The following DENND1B variants were observed in gnomAD, a reference collection of about 807,000 sequenced individuals.
The protein encoded by DENND1B is DENN domain-containing protein 1B.
In DENND1B, 59 loss-of-function variants were observed where a neutral mutation model predicts 90.1. The ratio of observed to expected loss-of-function variants is 0.65; its 90% CI spans 0.53 to 0.81. The LOEUF (loss-of-function observed/expected upper bound fraction) is 0.81. Ranked by LOEUF, DENND1B falls within the 40% of genes least tolerant of loss-of-function variation. DENND1B has a pLI of 0.00. For synonymous variants in DENND1B, 337 were observed against 324.6 expected (o/e 1.04, Z -0.41); for missense variants, 862 against 912.6 (o/e 0.94, Z 0.71).
rs535926164 is a variant in DENND1B at position 197,611,838 on chromosome 1, C to G, written c.819+93G>C. On this transcript the variant is annotated intron_variant, in intron 12 of 22. Coordinates refer to ENST00000620048, the MANE Select transcript of DENND1B (RefSeq NM_001195215.2). ...AATATGAAACTAGTCACTTCTTTGT[C>G]CTATACCACTGATATTTCTTCAAAA... The G allele has an allele frequency of 2.8e-6, 3 of 1,075,252 alleles. No individual in the cohort carries two copies. In the East Asian group the frequency reaches 7.6e-5, roughly 27 times the overall value. The allele number at this position is 1,075,252 out of a possible 1,614,324, so 66.6% of individuals were successfully genotyped here. A position where few individuals can be genotyped will look rare whatever the true frequency, so the allele number is the denominator to read the frequency against.
intron 2 of DENND1B, among the ~76,000 whole-genome samples, chr1:197,744,666 T>C (rs35781299): frequency 0.015 from 2,312 of 152,306 alleles, 69 homozygotes; most frequent in African/African-American, 0.052. Context: ...AATTGATAAA[T>C]GAGCACTGGC....
At position 197,583,180 on chromosome 1, in the gene DENND1B, G is replaced by A. The variant is rs188265506; in HGVS notation, c.1121C>T (p.Thr374Ile). 1.3e-4 allele frequency: 203 copies of A among 1,613,868 alleles called. No individual in the cohort carries two copies. The highest frequency in any genetic ancestry group is 1.6e-4 in the Non-Finnish European group (194 of 1,179,808). ...CTTAAAAAGCTGGAGGTTAATGGCA[G>A]TTTCCAGGAACTGTTTCATCACGCT... ...RSSVMKQFLE[T>I]AINLQLFKQF... is the part of the protein sequence containing the mutation. Residue 374 changes from threonine (T) to isoleucine (I), a missense_variant, in exon 15 of 23, where the codon ACT (threonine) becomes ATT (isoleucine). Thr to Ile is a moderately conservative substitution (Grantham distance 89). Coordinates refer to ENST00000620048, the MANE Select transcript of DENND1B (RefSeq NM_001195215.2).
chr1:197,751,065 G>A (rs560867237), intron 2 of DENND1B, among the ~76,000 whole-genome samples: 20 of 152,178 alleles, frequency 1.3e-4, no homozygotes, highest in Admixed American at 9.1e-4. Flanking sequence ...TAAAAGGTTC[G>A]AAAAGCACTA....
intron 15 of DENND1B, among the ~76,000 whole-genome samples, chr1:197,559,468 C>T (rs1390552024): frequency 6.6e-6 from 1 of 151,820 alleles, no homozygotes; most frequent in Non-Finnish European, 1.5e-5. Context: ...ATCTACACAC[C>T]CAAATTCCTT....
At chr1:197,699,791 C>T (rs1208182826) in intron 3 of DENND1B, among the ~76,000 whole-genome samples, 2 of 151,908 alleles carry the variant, frequency 1.3e-5, no homozygotes, top group Non-Finnish European at 2.9e-5. Flanking sequence ...ATATAAACAC[C>T]TCTATGCAAA....
In DENND1B at chr1:197,509,784, T is replaced by C. The variant is rs568312240; in HGVS notation, c.*676A>G. 5.9e-5 allele frequency: 9 copies of C among 152,322 alleles called. No homozygotes were observed. Among genetic ancestry groups the C allele is most frequent in the African/African-American group, 2.2e-4 (9 of 41,504 alleles). 9.4% of individuals were successfully genotyped at this position (152,322 alleles called of 1,614,324 possible). On this transcript the variant is annotated 3_prime_UTR_variant, in exon 23 of 23. Transcript: ENST00000620048. ...CTTCACATTGTAATTCAGCACTTCC[T>C]ATATTTCACTGAATGAAAGGTAAGT...
intron 16 of DENND1B, among the ~76,000 whole-genome samples, chr1:197,550,611 A>G (rs1671150106): frequency 6.6e-6 from 1 of 151,556 alleles, no homozygotes; most frequent in African/African-American, 2.4e-5. Context: ...GAATTGAACA[A>G]TGAGAACACA....
intron 15 of DENND1B, among the ~76,000 whole-genome samples, chr1:197,582,047 C>A (rs981209042): frequency 6.6e-6 from 1 of 152,008 alleles, no homozygotes; most frequent in Admixed American, 6.6e-5. Flanking sequence ...CAAAAGCAGC[C>A]CACTCTATTT....
chr1:197,518,647 C>T (rs1205313469), intron 20 of DENND1B, among the ~76,000 whole-genome samples: 1 of 151,832 alleles, frequency 6.6e-6, no homozygotes, highest in African/African-American at 2.4e-5. Flanking sequence ...TGAAAATTTA[C>T]ATAAGTAAGG....
chr1:197,583,086 G>C lies in DENND1B; in HGVS notation c.1149+66C>G, dbSNP rs2125773842. 2.1e-6 allele frequency: 3 copies of C among 1,406,136 alleles called. No homozygotes were observed. In the South Asian group the frequency reaches 3.5e-5, roughly 16 times the overall value. The allele number at this position is 1,406,136 out of a possible 1,614,324, so 87.1% of individuals were successfully genotyped here. ...CTCAGGGTTTGTACATAGTTTTATA[G>C]TAATACAAATGTGTAAAACTGACAA... On this transcript the variant is annotated intron_variant, in intron 15 of 22. Coordinates refer to ENST00000620048, the MANE Select transcript of DENND1B (RefSeq NM_001195215.2).
In DENND1B at chr1:197,658,286, A is replaced by G. The variant is rs1308272660; in HGVS notation, c.366+14T>C. On this transcript the variant is annotated intron_variant, in intron 6 of 22. Coordinates refer to ENST00000620048, the MANE Select transcript of DENND1B (RefSeq NM_001195215.2). ...ATTTTACCACAATTTAAAAATGGGG[A>G]AAAAATAGCTTACCAGTTCCTTAGC... is the stretch of plus-strand genomic sequence containing the variant. 1 of 1,595,162 alleles carries G rather than the reference A, an allele frequency of 6.3e-7. No homozygotes were observed. Among genetic ancestry groups the G allele is most frequent in the East Asian group, 2.2e-5 (1 of 44,622 alleles).
chr1:197,674,270 T>G lies in DENND1B; in HGVS notation c.127-101A>C, dbSNP rs1655827399. ...CATTTTCTAGGAGAAAAAGATGCTT[T>G]CTTTGTCCTTAAGAAAAATAGCACA... On this transcript the variant is annotated intron_variant, in intron 3 of 22. Coordinates refer to ENST00000620048, the MANE Select transcript of DENND1B (RefSeq NM_001195215.2). 3.7e-6 allele frequency: 3 copies of G among 804,318 alleles called. No homozygotes were observed. The South Asian group carries it at 5.2e-5, about 14-fold the overall frequency. 49.8% of individuals were successfully genotyped at this position (804,318 alleles called of 1,614,324 possible).
At chr1:197,558,528 C>T (rs1202224451) in intron 15 of DENND1B, among the ~76,000 whole-genome samples, 1 of 151,716 alleles carries the variant, frequency 6.6e-6, no homozygotes. Context: ...TTACATAACA[C>T]CAGAGGCCAC....
At chr1:197,746,742 T>G in intron 2 of DENND1B, 2 of 1,157,998 alleles carry the variant, frequency 1.7e-6, no homozygotes, top group Non-Finnish European at 1.3e-6. Context: ...TGAAGCACTC[T>G]GGCAAGTTAT....
chr1:197,512,522 A>G (rs1668101949), intron 21 of DENND1B, among the ~76,000 whole-genome samples: 1 of 151,442 alleles, frequency 6.6e-6, no homozygotes, highest in Admixed American at 6.6e-5. Context: ...CCTCAATTCC[A>G]TTTCTTTCTA....
intron 2 of DENND1B, among the ~76,000 whole-genome samples, chr1:197,719,552 T>G (rs776738357): frequency 6.6e-6 from 1 of 152,230 alleles, no homozygotes; most frequent in Non-Finnish European, 1.5e-5. Context: ...AGCAAAGCTT[T>G]CTGCTAAAAC....
intron 3 of DENND1B, among the ~76,000 whole-genome samples, chr1:197,680,863 A>T (rs1189983816): frequency 1.3e-5 from 2 of 152,118 alleles, no homozygotes; most frequent in Non-Finnish European, 2.9e-5. Context: ...TGTCTATCTC[A>T]TAAGATCACA....
chr1:197,538,444 C>T (rs1670078160), intron 20 of DENND1B, among the ~76,000 whole-genome samples: 1 of 152,118 alleles, frequency 6.6e-6, no homozygotes, highest in Admixed American at 6.5e-5. Flanking sequence ...TATTTTAGAA[C>T]AGACAATCAG....
chr1:197,734,818 A>G, intron 2 of DENND1B: 1 of 984,374 alleles, frequency 1.0e-6, no homozygotes, highest in Non-Finnish European at 1.2e-6. Context: ...TTAACCTACA[A>G]CAAACTTAAC....
Sources: gnomAD v4.1 joint callset for allele counts (sites outside exome capture counted in the v4.1 genomes callset) on GRCh38, gnomAD v4.1.1 for gene constraint, MANE v1.5 for transcripts, NCBI Gene and HGNC (gene_info 2026-07-23, HGNC 2026-07-21) for gene names.